PECAM1: variants seen among roughly 807,000 people sequenced by gnomAD.
PECAM1 encodes platelet and endothelial cell adhesion molecule 1.
In PECAM1, 8 loss-of-function variants were observed where a neutral mutation model predicts 13.8. The ratio of observed to expected loss-of-function variants is 0.58; its 90% CI spans 0.34 to 1.05. The LOEUF is 1.05. Among genes scored for constraint, PECAM1 ranks in the 50% least tolerant of loss-of-function variants. The probability of loss-of-function intolerance (pLI) is 0.03; values close to 1 mark genes in which losing one functional copy is unlikely to be tolerated. For missense variants in PECAM1, 304 were observed against 141.2 expected, an observed-to-expected ratio of 2.15 and a Z score of -5.84; for synonymous variants, 136 against 52.6, an observed-to-expected ratio of 2.58 and a Z score of -6.86.
In PECAM1 at chr17:64,321,119, A is replaced by G. The variant is rs2034803871; in HGVS notation, c.*2697T>C. 1 of 152,254 alleles carries G rather than the reference A, an allele frequency of 6.6e-6. No individual in the cohort carries two copies. The highest frequency in any genetic ancestry group is 2.4e-5 in the African/African-American group (1 of 41,462). The allele number at this position is 152,254 out of a possible 1,614,324, so 9.4% of individuals were successfully genotyped here. A position where few individuals can be genotyped will look rare whatever the true frequency, so the allele number is the denominator to read the frequency against. ...AGAACGCTGATGGGGCGACCAGTATATGCTCATGAAATGGGTGGCTGACCT... is the reference window on the plus strand; with the variant it reads ...AGAACGCTGATGGGGCGACCAGTATGTGCTCATGAAATGGGTGGCTGACCT... On this transcript the variant is annotated 3_prime_UTR_variant, in exon 16 of 16. Transcript: ENST00000563924.
chr17:64,353,335 ACACACAACT>A (rs1419541304), intron 10 of PECAM1, among the ~76,000 whole-genome samples, 147 bp downstream of exon 10: 4 of 136,772 alleles, frequency 2.9e-5, no homozygotes, highest in African/African-American at 1.0e-4. Flanking sequence ...ACACACACAC[ACACACAACT>A]CACACACACA....
intron 4 of PECAM1, among the ~76,000 whole-genome samples, chr17:64,371,638 T>C (rs1438046259): frequency 1.3e-5 from 2 of 152,214 alleles, no homozygotes; most frequent in Non-Finnish European, 2.9e-5. Context: ...AAGACCAGCC[T>C]GGCCAAGATG....
At chr17:64,387,586 A>G (rs1320486914) in intron 2 of PECAM1, among the ~76,000 whole-genome samples, 2 of 152,102 alleles carry the variant, frequency 1.3e-5, no homozygotes, top group Admixed American at 1.3e-4. Context: ...GGGGTGAGGA[A>G]GGGTCTCAGC....
chr17:64,370,291 G>A (rs964863414), intron 4 of PECAM1: 12 of 293,316 alleles, frequency 4.1e-5, no homozygotes, highest in Non-Finnish European at 6.3e-5. Context: ...TCTAGATCTC[G>A]CCTTCAGAGG....
chr17:64,358,704 G>A (rs1396436212), intron 7 of PECAM1, among the ~76,000 whole-genome samples: 1 of 152,146 alleles, frequency 6.6e-6, no homozygotes, highest in African/African-American at 2.4e-5. Flanking sequence ...ATTTAATTAG[G>A]AGAGCTTGTG....
Position 64,377,983 on chromosome 17 carries a change from A to C in PECAM1, c.226T>G (p.Tyr76Asp), listed in dbSNP as rs1486870540. The change falls in exon 3 of 16, where the codon TAT (tyrosine) becomes GAT (aspartate). Residue 76 changes from tyrosine (Y) to aspartate (D), a missense_variant. By Grantham distance (160) the Tyr-to-Asp change is radical. Coordinates refer to ENST00000563924, the MANE Select transcript of PECAM1 (RefSeq NM_000442.5). ...HVKPQHQMLFYKDDVLFYNIS... is the reference protein window; with the variant it reads ...HVKPQHQMLFDKDDVLFYNIS... ...TTGTAAAACAGCACGTCATCCTTAT[A>C]GAACAGCATCTGGTGCTGAGGCTTG... 4.2e-6 allele frequency: 2 copies of C among 475,278 alleles called. No homozygotes were observed. 29.4% of individuals were successfully genotyped at this position (475,278 alleles called of 1,614,324 possible). A position where few individuals can be genotyped will look rare whatever the true frequency, so the allele number is the denominator to read the frequency against.
At chr17:64,331,112 T>C (rs543176289) in intron 14 of PECAM1, among the ~76,000 whole-genome samples, 81 of 152,250 alleles carry the variant, frequency 5.3e-4, no homozygotes, top group African/African-American at 1.7e-3. Context: ...GGCAGAAGCA[T>C]TGCCAACGCT....
intron 15 of PECAM1, among the ~76,000 whole-genome samples, chr17:64,326,976 C>A (rs1224072090): frequency 6.6e-6 from 1 of 152,206 alleles, no homozygotes; most frequent in Non-Finnish European, 1.5e-5. Context: ...CTCATTCAAC[C>A]CTTGCAACAA....
chr17:64,334,185 C>G (rs1307318945), intron 14 of PECAM1, among the ~76,000 whole-genome samples: 14 of 151,732 alleles, frequency 9.2e-5, no homozygotes, highest in African/African-American at 3.4e-4. Flanking sequence ...CAGGCAGCTC[C>G]CCCACTGTCT....
chr17:64,323,414 T>C lies in PECAM1; in HGVS notation c.*402A>G, dbSNP rs577526607. The C allele has an allele frequency of 2.1e-5, 24 of 1,124,742 alleles. No homozygotes were observed. In the East Asian group the frequency reaches 1.5e-3, roughly 71 times the overall value. The allele number at this position is 1,124,742 out of a possible 1,614,324, so 69.7% of individuals were successfully genotyped here. A position where few individuals can be genotyped will look rare whatever the true frequency, so the allele number is the denominator to read the frequency against. On this transcript the variant is annotated 3_prime_UTR_variant, in exon 16 of 16. Coordinates refer to ENST00000563924, the MANE Select transcript of PECAM1 (RefSeq NM_000442.5). Reference sequence around the variant, plus strand: ...AAAAAACCAGCCTCTAACCAGGCCATGCGCTAGAAATGATTGAGTATAAAA... The same window carrying C: ...AAAAAACCAGCCTCTAACCAGGCCACGCGCTAGAAATGATTGAGTATAAAA...
intron 14 of PECAM1, among the ~76,000 whole-genome samples, chr17:64,338,539 G>A: frequency 6.6e-6 from 1 of 150,468 alleles, no homozygotes; most frequent in African/African-American, 2.4e-5. Flanking sequence ...TCTTTGTTAA[G>A]AAGCTTTATA....
chr17:64,377,771 C>G (rs1179225622), intron 3 of PECAM1, 53 bp downstream of exon 3: 9 of 473,650 alleles, frequency 1.9e-5, no homozygotes, highest in Non-Finnish European at 3.5e-5. Context: ...GTTATTCACG[C>G]CACTGTGTGC....
In PECAM1 at chr17:64,321,470, T is replaced by C. The variant is rs1322206215; in HGVS notation, c.*2346A>G. On this transcript the variant is annotated 3_prime_UTR_variant, in exon 16 of 16. Transcript: ENST00000563924. ...AAAGTAATTTTAAACTCATGTGTGC[T>C]CCACAGGCCGGGGGCGGTGGCTCAT... 1 of 990,476 alleles carries C rather than the reference T, an allele frequency of 1.0e-6. No individual in the cohort carries two copies. Among genetic ancestry groups the C allele is most frequent in the African/African-American group, 1.7e-5 (1 of 57,322 alleles). 61.4% of individuals were successfully genotyped at this position (990,476 alleles called of 1,614,324 possible).
At position 64,322,752 on chromosome 17, in the gene PECAM1, G is replaced by A. The variant is rs781910098; in HGVS notation, c.*1064C>T. 2 of 910,028 alleles carry A rather than the reference G, an allele frequency of 2.2e-6. No individual in the cohort carries two copies. Among genetic ancestry groups the A allele is most frequent in the South Asian group, 5.1e-5 (1 of 19,658 alleles). The allele number at this position is 910,028 out of a possible 1,614,324, so 56.4% of individuals were successfully genotyped here. A position where few individuals can be genotyped will look rare whatever the true frequency, so the allele number is the denominator to read the frequency against. On this transcript the variant is annotated 3_prime_UTR_variant, in exon 16 of 16. Transcript: ENST00000563924. ...TTTTTTTGAGATGGATTCTCACTCT[G>A]TCACTCAGGCTGGAGTGCAGTGGCG...
chr17:64,384,125 C>A, intron 2 of PECAM1, among the ~76,000 whole-genome samples: 1 of 152,160 alleles, frequency 6.6e-6, no homozygotes, highest in South Asian at 2.1e-4. Flanking sequence ...AGCAAAAACT[C>A]CATCTCAGAA....
At chr17:64,385,778 G>T (rs118199480) in intron 2 of PECAM1, among the ~76,000 whole-genome samples, 6,330 of 152,322 alleles carry the variant, frequency 0.042, 446 homozygotes, top group African/African-American at 0.15. Flanking sequence ...GCCAGGCCAA[G>T]GACAGGCAGT....
intron 12 of PECAM1, among the ~76,000 whole-genome samples, 159 bp downstream of exon 12, chr17:64,350,221 A>G (rs1281548043): frequency 6.6e-6 from 1 of 152,146 alleles, no homozygotes; most frequent in South Asian, 2.1e-4. Flanking sequence ...CTCTGGTGAA[A>G]GCAGCTAGCT....
intron 2 of PECAM1, among the ~76,000 whole-genome samples, chr17:64,386,744 C>G (rs1184980727): frequency 1.3e-5 from 2 of 151,950 alleles, no homozygotes; most frequent in African/African-American, 4.8e-5. Context: ...CCAGCCTGGG[C>G]AACAAAATGA....
intron 2 of PECAM1, among the ~76,000 whole-genome samples, chr17:64,386,984 A>G (rs2036607877): frequency 6.6e-6 from 1 of 151,898 alleles, no homozygotes; most frequent in Non-Finnish European, 1.5e-5. Context: ...TTGAGAGGGG[A>G]GCTGGTCTCC....
Sources: allele counts gnomAD v4.1 joint callset (sites outside exome capture counted in the v4.1 genomes callset), GRCh38; gene constraint gnomAD v4.1.1; transcripts MANE v1.5; gene names NCBI Gene and HGNC (gene_info 2026-07-23, HGNC 2026-07-21).